The following RIMS2 variants were observed in gnomAD, a reference collection of about 807,000 sequenced individuals.
The protein encoded by RIMS2 is regulating synaptic membrane exocytosis protein 2.
Under a neutral mutation model 174.4 loss-of-function variants are expected in RIMS2, and 59 were observed. The ratio of observed to expected loss-of-function variants is 0.34; its 90% CI spans 0.27 to 0.42. RIMS2 has a LOEUF of 0.42. Ranked by LOEUF, RIMS2 falls within the 10% of genes least tolerant of loss-of-function variation. RIMS2 has a pLI of 1.00. For missense variants in RIMS2, 1,620 were observed against 1,666.3 expected (o/e 0.97, Z 0.48); for synonymous variants, 606 against 572.5 (o/e 1.06, Z -0.84).
chr8:103,910,966 G>GA (rs1218089403), intron 5 of RIMS2, among the ~76,000 whole-genome samples: 1 of 152,164 alleles, frequency 6.6e-6, no homozygotes, highest in African/African-American at 2.4e-5. Context: ...TGTTTGCACA[G>GA]AAAAAGTTGT....
intron 19 of RIMS2, among the ~76,000 whole-genome samples, chr8:104,105,828 G>A (rs1265461027): frequency 6.6e-6 from 1 of 151,874 alleles, no homozygotes; most frequent in East Asian, 1.9e-4. Flanking sequence ...CATGAGCTCA[G>A]GAGATCGAGA....
At chr8:103,921,674 T>G in exon 10 of RIMS2, 1 of 1,284,172 alleles carries the variant, frequency 7.8e-7, no homozygotes, top group Non-Finnish European at 1.1e-6. Context: ...CGTTTCAGGT[T>G]CTAGCTCCTT....
At chr8:103,827,698 G>A (rs897434255) in intron 3 of RIMS2, among the ~76,000 whole-genome samples, 7 of 152,104 alleles carry the variant, frequency 4.6e-5, no homozygotes, top group African/African-American at 1.7e-4. Flanking sequence ...AGCTGGGCGT[G>A]GCCGTGTGTG....
chr8:104,112,184 G>A (rs2098196924), intron 19 of RIMS2, among the ~76,000 whole-genome samples: 1 of 152,094 alleles, frequency 6.6e-6, no homozygotes, highest in Non-Finnish European at 1.5e-5. Flanking sequence ...GTCAATCAAT[G>A]TAATAACGAG....
intron 3 of RIMS2, chr8:103,768,317 C>T (rs2098203853): frequency 3.1e-6 from 2 of 651,032 alleles, no homozygotes; most frequent in Non-Finnish European, 5.7e-6. Flanking sequence ...CACTGGCTGC[C>T]AGAAACTCAT....
chr8:104,238,577 G>A (rs1432538864), intron 19 of RIMS2, among the ~76,000 whole-genome samples: 1 of 152,022 alleles, frequency 6.6e-6, no homozygotes, highest in Non-Finnish European at 1.5e-5. Flanking sequence ...AGGAATTAAA[G>A]GAGCAAGATG....
At chr8:103,911,678 C>A (rs759590284) in intron 5 of RIMS2, among the ~76,000 whole-genome samples, 4 of 152,078 alleles carry the variant, frequency 2.6e-5, no homozygotes, top group African/African-American at 9.7e-5. Context: ...AATTCACTTG[C>A]GTAGAATTTC....
At chr8:104,219,229 G>T in intron 19 of RIMS2, among the ~76,000 whole-genome samples, 1 of 152,130 alleles carries the variant, frequency 6.6e-6, no homozygotes, top group East Asian at 1.9e-4. Flanking sequence ...CAGATGCATT[G>T]TCGACATTTA....
intron 1 of RIMS2, among the ~76,000 whole-genome samples, chr8:103,658,824 G>C (rs12707788): frequency 0.18 from 26,919 of 151,988 alleles, 2,595 homozygotes; most frequent in African/African-American, 0.24. Context: ...AGGATGTTTT[G>C]GAAAGACTGC....
intron 1 of RIMS2, among the ~76,000 whole-genome samples, chr8:103,515,064 C>A (rs796870720): frequency 1.5e-4 from 23 of 152,260 alleles, no homozygotes; most frequent in African/African-American, 5.1e-4. Flanking sequence ...TCCTTTAACT[C>A]ATGTCCTTTT....
chr8:103,768,437 A>G lies in RIMS2; in HGVS notation c.698+1900A>G, dbSNP rs2098206124. 7.8e-6 allele frequency: 6 copies of G among 764,920 alleles called. No homozygotes were observed. The South Asian group carries it at 8.2e-5, about 10-fold the overall frequency. The allele number at this position is 764,920 out of a possible 1,614,324, so 47.4% of individuals were successfully genotyped here. ...ATGGAAGGGTTATGTGGTCCTAATC[A>G]GTGGTGGGAATGACAAACAATGGTT... On this transcript the variant is annotated intron_variant, in intron 3 of 23. Coordinates refer to ENST00000504942, the Ensembl canonical transcript of RIMS2.
At chr8:104,098,255 A>T (rs917435613) in intron 19 of RIMS2, among the ~76,000 whole-genome samples, 3 of 152,178 alleles carry the variant, frequency 2.0e-5, no homozygotes, top group Non-Finnish European at 2.9e-5. Context: ...ATAAAAATTT[A>T]AAAAGTTTAA....
At chr8:104,235,932 G>A (rs1221440549) in intron 19 of RIMS2, among the ~76,000 whole-genome samples, 1 of 151,914 alleles carries the variant, frequency 6.6e-6, no homozygotes, top group Non-Finnish European at 1.5e-5. Flanking sequence ...CTTAATCCAG[G>A]ATTCAGTCAA....
rs959152058 is a variant in RIMS2 at position 104,015,513 on chromosome 8, AG to A, written c.3334+899del. ...TAACAGCCTTTTTGGGGGGCTAGTA[AG>A]CAAAAATAAACCCAACTGCAATTGA... On this transcript the variant is annotated intron_variant, in intron 19 of 23. Transcript: ENST00000504942. The A allele has an allele frequency of 6.4e-6, 4 of 623,474 alleles. No individual in the cohort carries two copies. In the African/African-American group the frequency reaches 7.5e-5, roughly 12 times the overall value. 38.6% of individuals were successfully genotyped at this position (623,474 alleles called of 1,614,324 possible).
intron 2 of RIMS2, among the ~76,000 whole-genome samples, chr8:103,725,321 G>T (rs2097514189): frequency 6.6e-6 from 1 of 152,060 alleles, no homozygotes; most frequent in Admixed American, 6.6e-5. Flanking sequence ...AATGTGCCTA[G>T]CACCACATCA....
At chr8:103,612,944 G>T (rs1564015045) in intron 1 of RIMS2, among the ~76,000 whole-genome samples, 1 of 152,186 alleles carries the variant, frequency 6.6e-6, no homozygotes, top group Non-Finnish European at 1.5e-5. Context: ...CTGGAACTGG[G>T]TTGTGTGTTG....
At chr8:103,526,624 G>T (rs1160554521) in intron 1 of RIMS2, among the ~76,000 whole-genome samples, 1 of 152,008 alleles carries the variant, frequency 6.6e-6, no homozygotes, top group Non-Finnish European at 1.5e-5. Context: ...AGCAAAAAAA[G>T]AACTGAAAAA....
intron 1 of RIMS2, among the ~76,000 whole-genome samples, chr8:103,564,106 C>A (rs1378307781): frequency 6.6e-6 from 1 of 152,182 alleles, no homozygotes; most frequent in East Asian, 1.9e-4. Flanking sequence ...CTGTTGCATA[C>A]TCTTGGTCTT....
At chr8:103,751,338 G>A (rs985925540) in intron 2 of RIMS2, among the ~76,000 whole-genome samples, 6 of 151,744 alleles carry the variant, frequency 4.0e-5, no homozygotes, top group African/African-American at 1.5e-4. Context: ...TCTTAATCCA[G>A]TCTATCATTG....
Sources: allele counts gnomAD v4.1 joint callset (sites outside exome capture counted in the v4.1 genomes callset), GRCh38; gene constraint gnomAD v4.1.1; transcripts MANE v1.5; gene names NCBI Gene and HGNC (gene_info 2026-07-23, HGNC 2026-07-21).